PEX2: variants seen among roughly 807,000 people sequenced by gnomAD.
PEX2 encodes the protein peroxisomal biogenesis factor 2.
A neutral mutation model predicts 25.2 loss-of-function variants in PEX2; 19 were observed. That is an observed-to-expected ratio of 0.75 (90% CI 0.53 to 1.10). The LOEUF (loss-of-function observed/expected upper bound fraction) is 1.10. Ranked by LOEUF, PEX2 falls within the 50% of genes least tolerant of loss-of-function variation. PEX2 has a pLI of 0.00. For synonymous variants in PEX2, 141 were observed against 127.7 expected (o/e 1.10, Z -0.70); for missense variants, 347 against 350.6 (o/e 0.99, Z 0.08).
chr8:76,990,129 G>C lies in PEX2; in HGVS notation c.-159-1791C>G, dbSNP rs1392024523. Among the ~76,000 whole-genome samples the C allele has an allele frequency of 4.6e-5, 7 of 152,266 alleles. No individual in the cohort carries two copies. In the South Asian group the frequency reaches 1.0e-3, roughly 23 times the overall value. On this transcript the variant is annotated intron_variant, in intron 1 of 3. Coordinates refer to ENST00000357039, the MANE Select transcript of PEX2 (RefSeq NM_000318.3). ...AGCTTTCATGTTTATATCATAAATG[G>C]TTATTTCCTTAAATCTCACGAACCA... is the stretch of plus-strand genomic sequence containing the variant.
At chr8:76,985,986 T>C (rs1806990717) in intron 3 of PEX2, among the ~76,000 whole-genome samples, 2 of 152,186 alleles carry the variant, frequency 1.3e-5, no homozygotes, top group Admixed American at 1.3e-4. Flanking sequence ...CCAAAGTTGT[T>C]TTCAAGAGGG....
At chr8:76,999,348 G>T (rs1445178245) in intron 1 of PEX2, among the ~76,000 whole-genome samples, 1 of 152,008 alleles carries the variant, frequency 6.6e-6, no homozygotes, top group South Asian at 2.1e-4. Context: ...TTGGAAAATG[G>T]TACCTCAATA....
intron 1 of PEX2, among the ~76,000 whole-genome samples, chr8:76,989,389 T>G (rs569293700): frequency 1.2e-4 from 19 of 152,330 alleles, no homozygotes; most frequent in African/African-American, 4.3e-4. Flanking sequence ...CCTGTTCATG[T>G]TGATATGTTG....
Position 76,983,343 on chromosome 8 carries a change from G to A in PEX2, c.836C>T (p.Thr279Ile), listed in dbSNP as rs1237454322. Residue 279 changes from threonine (T) to isoleucine (I), a missense_variant, in exon 4 of 4, where the codon ACT (threonine) becomes ATT (isoleucine). Coordinates refer to ENST00000357039, the MANE Select transcript of PEX2 (RefSeq NM_000318.3). ...KSSFLFDVYF[T>I]CPKCGTEVHS... ...TACTTCTGTGCCACACTTAGGACAA[G>A]TAAAGTACACGTCAAATAAGAAACT... 1.2e-6 allele frequency: 2 copies of A among 1,613,880 alleles called. No homozygotes were observed. Among genetic ancestry groups the A allele is most frequent in the Non-Finnish European group, 1.7e-6 (2 of 1,180,030 alleles).
At chr8:76,998,750 GA>G (rs1481529421) in intron 1 of PEX2, among the ~76,000 whole-genome samples, 1 of 152,114 alleles carries the variant, frequency 6.6e-6, no homozygotes, top group Non-Finnish European at 1.5e-5. Flanking sequence ...CACGGCTCCA[GA>G]AAATTTCTAC....
rs1806827308 is a variant in PEX2 at position 76,981,514 on chromosome 8, T to A, written c.*1747A>T. ...ACAAAGACGTTTGTATATATTTTTA[T>A]TTTTTTAGAAACGAACTCAAACTCC... is the stretch of plus-strand genomic sequence containing the variant. On this transcript the variant is annotated 3_prime_UTR_variant, in exon 4 of 4. Transcript: ENST00000357039. 1 of 152,152 alleles carries A rather than the reference T, an allele frequency of 6.6e-6. No individual in the cohort carries two copies. Among genetic ancestry groups the A allele is most frequent in the African/African-American group, 2.4e-5 (1 of 41,440 alleles). 9.4% of individuals were successfully genotyped at this position (152,152 alleles called of 1,614,324 possible).
chr8:76,993,190 T>C (rs1415328972), intron 1 of PEX2, among the ~76,000 whole-genome samples: 2 of 152,170 alleles, frequency 1.3e-5, no homozygotes, highest in Non-Finnish European at 2.9e-5. Context: ...GTTAAGGAAA[T>C]TGTATTGATT....
intron 1 of PEX2, chr8:76,999,664 A>T (rs1047532998): frequency 5.5e-6 from 2 of 365,154 alleles, no homozygotes; most frequent in African/African-American, 4.3e-5. Flanking sequence ...AGAGGTAAAT[A>T]TCTTCACGAC....
intron 2 of PEX2, among the ~76,000 whole-genome samples, chr8:76,987,234 G>A (rs1807031355): frequency 6.6e-6 from 1 of 152,202 alleles, no homozygotes; most frequent in Non-Finnish European, 1.5e-5. Context: ...TTACAATAAG[G>A]TGCGATCAGT....
intron 1 of PEX2, among the ~76,000 whole-genome samples, chr8:76,990,122 A>AT (rs1807125059): frequency 6.6e-6 from 1 of 152,230 alleles, no homozygotes; most frequent in Admixed American, 6.5e-5. Context: ...TGTTTATATC[A>AT]TAAATGGTTA....
At chr8:76,993,007 T>G (rs1025540078) in intron 1 of PEX2, among the ~76,000 whole-genome samples, 1 of 152,190 alleles carries the variant, frequency 6.6e-6, no homozygotes, top group African/African-American at 2.4e-5. Flanking sequence ...ATAGCCTAGC[T>G]GGGACATACG....
rs1807377841 is a variant in PEX2 at position 76,997,577 on chromosome 8, GAA to G, written c.-160+2411_-160+2412del. The stretch of plus-strand genomic sequence containing the variant: ...CAGCAAGACTCTGTCTCAAAAAAAT[GAA>G]AAGACAGTGGTTAGGCATAATCAAA... On this transcript the variant is annotated intron_variant, in intron 1 of 3. Transcript: ENST00000357039. 2.0e-5 allele frequency among the ~76,000 whole-genome samples: 3 copies of G among 152,090 alleles called. No individual in the cohort carries two copies. The South Asian group carries it at 6.2e-4, about 32-fold the overall frequency.
At chr8:76,994,813 C>G (rs1807275232) in intron 1 of PEX2, among the ~76,000 whole-genome samples, 1 of 152,134 alleles carries the variant, frequency 6.6e-6, no homozygotes, top group Non-Finnish European at 1.5e-5. Context: ...TCATTGTTTT[C>G]TCTTTCTGAA....
At chr8:76,986,880 G>A (rs755151376) in intron 2 of PEX2, among the ~76,000 whole-genome samples, 5 of 152,038 alleles carry the variant, frequency 3.3e-5, no homozygotes, top group Non-Finnish European at 7.4e-5. Flanking sequence ...AAGATTATTT[G>A]AGCCTTATCA....
intron 2 of PEX2, among the ~76,000 whole-genome samples, chr8:76,987,466 A>G (rs1306353797): frequency 6.6e-6 from 1 of 152,174 alleles, no homozygotes; most frequent in Non-Finnish European, 1.5e-5. Flanking sequence ...GACAGGTCCT[A>G]AAGGCCCTAG....
intron 2 of PEX2, among the ~76,000 whole-genome samples, chr8:76,987,706 G>T (rs1273870199): frequency 6.6e-6 from 1 of 152,082 alleles, no homozygotes. Context: ...GTATCAATGG[G>T]GACAGAGAGA....
At chr8:76,994,500 G>C (rs114361308) in intron 1 of PEX2, among the ~76,000 whole-genome samples, 1 of 152,084 alleles carries the variant, frequency 6.6e-6, no homozygotes, top group African/African-American at 2.4e-5. Flanking sequence ...CTCCTACATC[G>C]CTGCTATCAA....
chr8:76,985,930 G>C (rs971947882), intron 3 of PEX2, among the ~76,000 whole-genome samples: 4 of 152,102 alleles, frequency 2.6e-5, no homozygotes, highest in Non-Finnish European at 5.9e-5. Context: ...TTTATTAGAA[G>C]GTAAAGTAAA....
At chr8:76,999,546 G>A (rs1807432976) in intron 1 of PEX2, among the ~76,000 whole-genome samples, 1 of 152,122 alleles carries the variant, frequency 6.6e-6, no homozygotes, top group African/African-American at 2.4e-5. Context: ...TTTCAACAGT[G>A]TTAGAAAACT....
Sources: allele counts gnomAD v4.1 joint callset (sites outside exome capture counted in the v4.1 genomes callset), GRCh38; gene constraint gnomAD v4.1.1; transcripts MANE v1.5; gene names NCBI Gene and HGNC (gene_info 2026-07-23, HGNC 2026-07-21).